ANKRD6: variants seen among roughly 807,000 people sequenced by gnomAD.
ANKRD6 encodes ankyrin repeat domain-containing protein 6.
Under a neutral mutation model 82.3 loss-of-function variants are expected in ANKRD6, and 56 were observed. The observed-to-expected ratio is 0.68, with a 90% CI of 0.55 to 0.85. The LOEUF (loss-of-function observed/expected upper bound fraction) is 0.85, where lower values mean the gene tolerates loss of function less well. Ranked by LOEUF, ANKRD6 falls within the 40% of genes least tolerant of loss-of-function variation. The probability of loss-of-function intolerance (pLI) is 0.00; values close to 1 mark genes in which losing one functional copy is unlikely to be tolerated. For synonymous variants in ANKRD6, 347 were observed against 352.1 expected, an observed-to-expected ratio of 0.99 and a Z score of 0.16; for missense variants, 852 against 907.6, an observed-to-expected ratio of 0.94 and a Z score of 0.79.
chr6:89,477,881 C>A (rs543122075), intron 1 of ANKRD6, among the ~76,000 whole-genome samples: 3 of 151,124 alleles, frequency 2.0e-5, no homozygotes, highest in Non-Finnish European at 4.4e-5. Flanking sequence ...TACATTGATA[C>A]CCACCCTTTC....
intron 2 of ANKRD6, among the ~76,000 whole-genome samples, chr6:89,577,272 G>A (rs1791325154): frequency 6.6e-6 from 1 of 152,074 alleles, no homozygotes; most frequent in South Asian, 2.1e-4. Context: ...CAGTGACCAA[G>A]TGAGGCTCAT....
chr6:89,440,044 T>C (rs1323321489), intron 1 of ANKRD6, among the ~76,000 whole-genome samples: 3 of 152,198 alleles, frequency 2.0e-5, no homozygotes, highest in African/African-American at 7.2e-5. Flanking sequence ...GGTGCTCATA[T>C]TGGTGTAGTG....
At chr6:89,598,328 A>G in intron 3 of ANKRD6, 2 of 985,336 alleles carry the variant, frequency 2.0e-6, no homozygotes, top group Non-Finnish European at 2.4e-6. Context: ...GAAATAGTCC[A>G]GGATGCTGTG....
chr6:89,511,888 G>A (rs1780589715), intron 1 of ANKRD6, among the ~76,000 whole-genome samples: 1 of 152,172 alleles, frequency 6.6e-6, no homozygotes, highest in Admixed American at 6.5e-5. Context: ...ATAGAGAAAT[G>A]TGGCCACAGC....
At chr6:89,586,612 G>C (rs371519054) in intron 2 of ANKRD6, among the ~76,000 whole-genome samples, 1 of 152,022 alleles carries the variant, frequency 6.6e-6, no homozygotes, top group African/African-American at 2.4e-5. Flanking sequence ...ATTTGAACCC[G>C]GGAGGTAGAG....
At chr6:89,629,307 C>T in intron 15 of ANKRD6, 69 bp downstream of exon 15, 2 of 1,598,144 alleles carry the variant, frequency 1.3e-6, no homozygotes, top group Admixed American at 1.7e-5. Context: ...CTCTCCTGCA[C>T]TGAAAGGCAG....
chr6:89,510,908 G>A (rs535793940), intron 1 of ANKRD6, among the ~76,000 whole-genome samples: 24 of 152,290 alleles, frequency 1.6e-4, no homozygotes, highest in South Asian at 4.2e-4. Context: ...ACTGAAGGTC[G>A]GAGTGGAGAG....
At chr6:89,489,847 A>T in intron 1 of ANKRD6, among the ~76,000 whole-genome samples, 1 of 152,174 alleles carries the variant, frequency 6.6e-6, no homozygotes, top group Non-Finnish European at 1.5e-5. Context: ...AAATTTATTA[A>T]TGAGAATTTT....
intron 1 of ANKRD6, among the ~76,000 whole-genome samples, chr6:89,532,301 T>C (rs1783257611): frequency 6.6e-6 from 1 of 152,262 alleles, no homozygotes; most frequent in Non-Finnish European, 1.5e-5. Context: ...CTGTCGTCTG[T>C]TTATACTGGA....
At chr6:89,439,944 A>G (rs1771157808) in intron 1 of ANKRD6, among the ~76,000 whole-genome samples, 1 of 152,082 alleles carries the variant, frequency 6.6e-6, no homozygotes, top group South Asian at 2.1e-4. Context: ...TGATCTGCCC[A>G]CCTTGGCCTC....
intron 2 of ANKRD6, among the ~76,000 whole-genome samples, chr6:89,590,277 G>A (rs1167236039): frequency 1.3e-5 from 2 of 152,146 alleles, no homozygotes; most frequent in Non-Finnish European, 2.9e-5. Context: ...CCTGAAGTGC[G>A]GGTTTAGCCT....
chr6:89,606,686 T>C (rs1798692171), intron 5 of ANKRD6, among the ~76,000 whole-genome samples: 1 of 151,970 alleles, frequency 6.6e-6, no homozygotes, highest in Non-Finnish European at 1.5e-5. Flanking sequence ...TGAAACCCCA[T>C]CTCTAATAAA....
intron 1 of ANKRD6, among the ~76,000 whole-genome samples, chr6:89,544,833 G>A (rs1271818152): frequency 6.6e-6 from 1 of 152,142 alleles, no homozygotes; most frequent in African/African-American, 2.4e-5. Context: ...TTTGAGGACG[G>A]GAAGCATCAT....
intron 1 of ANKRD6, among the ~76,000 whole-genome samples, chr6:89,533,043 T>G (rs1468015142): frequency 6.6e-6 from 1 of 152,128 alleles, no homozygotes; most frequent in Non-Finnish European, 1.5e-5. Context: ...TTGGCTAATT[T>G]TTTTTTAATT....
intron 1 of ANKRD6, among the ~76,000 whole-genome samples, chr6:89,514,758 G>C (rs1447077273): frequency 6.6e-6 from 1 of 152,170 alleles, no homozygotes; most frequent in Non-Finnish European, 1.5e-5. Flanking sequence ...GGGATATATA[G>C]ATGTTTGGCA....
At chr6:89,463,305 A>G (rs1292165870) in intron 1 of ANKRD6, among the ~76,000 whole-genome samples, 2 of 152,118 alleles carry the variant, frequency 1.3e-5, no homozygotes, top group Non-Finnish European at 2.9e-5. Context: ...AAAATATTTT[A>G]TCGTATGGAT....
intron 1 of ANKRD6, among the ~76,000 whole-genome samples, chr6:89,448,766 C>T (rs1772410715): frequency 1.3e-5 from 2 of 152,126 alleles, no homozygotes; most frequent in Admixed American, 6.5e-5. Context: ...TGCGGTGGCT[C>T]ACGCCTGTAA....
intron 1 of ANKRD6, chr6:89,478,226 G>C (rs559803445): frequency 4.6e-5 from 7 of 152,310 alleles, no homozygotes; most frequent in African/African-American, 1.7e-4. Flanking sequence ...GTTCTGGGCA[G>C]TAGTGTGCTA....
At chr6:89,607,655 C>CTT (rs10598205) in intron 5 of ANKRD6, among the ~76,000 whole-genome samples, 14,131 of 135,726 alleles carry the variant, frequency 0.1, 1,104 homozygotes, top group Middle Eastern at 0.17. Context: ...GGAGAAGAGA[C>CTT]TTTTTTTTTT....
Sources: allele counts gnomAD v4.1 joint callset (sites outside exome capture counted in the v4.1 genomes callset), GRCh38; gene constraint gnomAD v4.1.1; transcripts MANE v1.5; gene names NCBI Gene and HGNC (gene_info 2026-07-23, HGNC 2026-07-21).